Variants in GNA12 observed in about 807,000 individuals in gnomAD.
GNA12 encodes G protein subunit alpha 12, also known as guanine nucleotide-binding protein subunit alpha-12.
In GNA12, 9 loss-of-function variants were observed where a neutral mutation model predicts 26.0. The observed-to-expected ratio is 0.35, with a 90% confidence interval of 0.21 to 0.60. The LOEUF is 0.60. GNA12 is among the 20% of genes least tolerant of loss of function. GNA12 has a pLI of 0.78. For synonymous variants in GNA12, 264 were observed against 219.6 expected, an observed-to-expected ratio of 1.20 and a Z score of -1.79; for missense variants, 405 against 525.8, an observed-to-expected ratio of 0.77 and a Z score of 2.25.
intron 1 of GNA12, among the ~76,000 whole-genome samples, chr7:2,834,014 A>G (rs1182179): frequency 0.25 from 37,914 of 152,144 alleles, 5,284 homozygotes; most frequent in Non-Finnish European, 0.3. Context: ...ATGGGCCACT[A>G]GTAGGCCCAC....
chr7:2,753,273 C>T (rs1315383734), intron 2 of GNA12, among the ~76,000 whole-genome samples: 4 of 152,122 alleles, frequency 2.6e-5, no homozygotes, highest in Non-Finnish European at 5.9e-5. Flanking sequence ...CCTGCCTCAG[C>T]CTCCCAAGTA....
At chr7:2,769,174 G>A (rs1369605576) in intron 2 of GNA12, among the ~76,000 whole-genome samples, 2 of 152,132 alleles carry the variant, frequency 1.3e-5, no homozygotes, top group African/African-American at 4.8e-5. Flanking sequence ...AAAGTGCTGG[G>A]ATTACAGGCG....
chr7:2,762,783 A>G, intron 2 of GNA12: 3 of 1,542,096 alleles, frequency 1.9e-6, no homozygotes, highest in Non-Finnish European at 2.6e-6. Flanking sequence ...CAGGCTGTAC[A>G]AAAGGGAGGA....
rs1779089146 is a variant in GNA12, at chr7:2,843,940, G to C, written c.222C>G (p.Leu74=). 6.3e-7 allele frequency: 1 copy of C among 1,593,022 alleles called. No homozygotes were observed. The highest frequency in any genetic ancestry group is 1.1e-5 in the South Asian group (1 of 88,132). ...GGCCGTGGATGATGCGCATCTGCTT[G>C]AGGAACGTGGACTTGCCGCTCTCGC... is the stretch of plus-strand genomic sequence containing the variant. ...GAGESGKSTF[L]KQMRIIHGRE... The change falls in exon 1 of 4, where the codon CTC becomes CTG. Residue 74 remains leucine, a synonymous_variant. Transcript: ENST00000275364.
chr7:2,791,982 T>C lies in GNA12; in HGVS notation c.525+2946A>G, dbSNP rs559594498. ...CTCTGCATCTGATTATTACAGACTT[T>C]ACAAATGCATCACTGACTACAACAG... On this transcript the variant is annotated intron_variant, in intron 2 of 3. Transcript: ENST00000275364. 2.2e-4 allele frequency among the ~76,000 whole-genome samples: 34 copies of C among 152,334 alleles called. No individual in the cohort carries two copies. The South Asian group carries it at 6.8e-3, about 31-fold the overall frequency.
At chr7:2,839,343 C>T (rs1778925236) in intron 1 of GNA12, among the ~76,000 whole-genome samples, 1 of 152,042 alleles carries the variant, frequency 6.6e-6, no homozygotes, top group African/African-American at 2.4e-5. Context: ...AAGTGATCCT[C>T]CCACCCGCCT....
intron 1 of GNA12, among the ~76,000 whole-genome samples, chr7:2,825,450 G>C (rs1346999658): frequency 6.6e-6 from 1 of 152,208 alleles, no homozygotes; most frequent in Non-Finnish European, 1.5e-5. Flanking sequence ...GTATGAAGAC[G>C]CTTTCCTCTT....
At chr7:2,824,535 A>T (rs925394504) in intron 1 of GNA12, among the ~76,000 whole-genome samples, 1 of 152,126 alleles carries the variant, frequency 6.6e-6, no homozygotes. Context: ...ATTTCATAAG[A>T]CGTGCCTGTT....
At chr7:2,838,697 A>G (rs1266018654) in intron 1 of GNA12, among the ~76,000 whole-genome samples, 1 of 152,226 alleles carries the variant, frequency 6.6e-6, no homozygotes, top group African/African-American at 2.4e-5. Context: ...AAGGGTATTA[A>G]AAGAATGGAG....
intron 1 of GNA12, among the ~76,000 whole-genome samples, chr7:2,807,615 C>T (rs1446798242): frequency 6.6e-6 from 1 of 150,466 alleles, no homozygotes; most frequent in African/African-American, 2.4e-5. Context: ...CAGGATAACA[C>T]AGCAGCTTGC....
chr7:2,754,602 G>T (rs1791201341), intron 2 of GNA12, among the ~76,000 whole-genome samples: 1 of 150,448 alleles, frequency 6.6e-6, no homozygotes, highest in African/African-American at 2.4e-5. Flanking sequence ...AAAAAAATTA[G>T]CCAGGTATAG....
intron 2 of GNA12, among the ~76,000 whole-genome samples, chr7:2,792,119 C>A (rs886460950): frequency 2.6e-5 from 4 of 152,204 alleles, no homozygotes; most frequent in African/African-American, 4.8e-5. Context: ...GCCAAGTGCA[C>A]GTCTAGATTA....
chr7:2,837,247 G>T (rs992807486), intron 1 of GNA12, among the ~76,000 whole-genome samples: 1 of 152,130 alleles, frequency 6.6e-6, no homozygotes. Flanking sequence ...ATTAGCTGTC[G>T]CTTTGCTACC....
intron 1 of GNA12, among the ~76,000 whole-genome samples, chr7:2,837,563 A>T (rs1778873923): frequency 6.6e-6 from 1 of 152,204 alleles, no homozygotes; most frequent in Non-Finnish European, 1.5e-5. Context: ...CTGAAAACTA[A>T]ACATAAAACT....
chr7:2,816,925 C>T (rs957861101), intron 1 of GNA12, among the ~76,000 whole-genome samples: 2 of 152,212 alleles, frequency 1.3e-5, no homozygotes, highest in Non-Finnish European at 2.9e-5. Flanking sequence ...TCAAGTCAGT[C>T]TGGGTCTCTG....
intron 2 of GNA12, among the ~76,000 whole-genome samples, chr7:2,757,050 G>A (rs1791332076): frequency 1.3e-5 from 2 of 152,102 alleles, no homozygotes; most frequent in Non-Finnish European, 2.9e-5. Flanking sequence ...ACTCCAGTCT[G>A]GGCAACAGAG....
At chr7:2,794,354 A>G (rs2115456514) in intron 2 of GNA12, among the ~76,000 whole-genome samples, 1 of 152,264 alleles carries the variant, frequency 6.6e-6, no homozygotes, top group East Asian at 1.9e-4. Context: ...TACTTTATAT[A>G]CGGTTAATTT....
At chr7:2,818,242 T>C (rs960273) in intron 1 of GNA12, among the ~76,000 whole-genome samples, 35,942 of 152,056 alleles carry the variant, frequency 0.24, 5,012 homozygotes, top group Non-Finnish European at 0.29. Flanking sequence ...ACATCAGTAC[T>C]GACATCTGGG....
In GNA12 at chr7:2,809,791, TATGTAAATATTTATGTAA is replaced by T. The variant is rs572657594; in HGVS notation, c.310-14666_310-14649del. ...GAAGCAATTTTCACACATCTGTAAATATGTAAATATTTATGTAAATGTAAATATTACTTAGTAATAAAT... is the reference window on the plus strand; with the variant it reads ...GAAGCAATTTTCACACATCTGTAAATATGTAAATATTACTTAGTAATAAAT... On this transcript the variant is annotated intron_variant, in intron 1 of 3. Transcript: ENST00000275364. 2.6e-4 allele frequency among the ~76,000 whole-genome samples: 39 copies of T among 152,348 alleles called. 1 individual carries two copies. The East Asian group carries it at 6.0e-3, about 23-fold the overall frequency.
Sources: gnomAD v4.1 joint callset for allele counts (sites outside exome capture counted in the v4.1 genomes callset) on GRCh38, gnomAD v4.1.1 for gene constraint, MANE v1.5 for transcripts, NCBI Gene and HGNC (gene_info 2026-07-23, HGNC 2026-07-21) for gene names.